EYA3: variants seen among roughly 807,000 people sequenced by gnomAD.
The protein encoded by EYA3 is EYA transcriptional coactivator and phosphatase 3, also known as protein phosphatase EYA3.
EYA3 carries 39 observed loss-of-function variants against 80.0 expected under a neutral mutation model. That is an observed-to-expected ratio of 0.49 (90% CI 0.38 to 0.64). The LOEUF is 0.64. EYA3 is among the 30% of genes least tolerant of loss of function. The pLI is 0.00. For synonymous variants in EYA3, 206 were observed against 232.8 expected (o/e 0.88, Z 1.05); for missense variants, 523 against 676.1 (o/e 0.77, Z 2.51).
intron 6 of EYA3, among the ~76,000 whole-genome samples, chr1:28,030,690 G>A (rs889022788): frequency 6.6e-6 from 1 of 152,076 alleles, no homozygotes; most frequent in Admixed American, 6.5e-5. Context: ...TACTGACATC[G>A]CTAGCATGAA....
intron 7 of EYA3, among the ~76,000 whole-genome samples, chr1:28,018,569 T>C (rs1642225783): frequency 6.6e-6 from 1 of 152,160 alleles, no homozygotes; most frequent in African/African-American, 2.4e-5. Context: ...AAAACTTCCA[T>C]TGAGAACAGG....
intron 13 of EYA3, among the ~76,000 whole-genome samples, chr1:27,995,658 G>A (rs900804062): frequency 6.6e-6 from 1 of 151,740 alleles, no homozygotes; most frequent in South Asian, 2.1e-4. Flanking sequence ...ATTGCTTGAG[G>A]GAGGCCAGGG....
chr1:27,989,912 A>G, intron 14 of EYA3, 101 bp from the exon 15 acceptor site: 1 of 594,094 alleles, frequency 1.7e-6, no homozygotes. Context: ...TGAGTCACTG[A>G]AATATTCTAC....
intron 16 of EYA3, among the ~76,000 whole-genome samples, chr1:27,978,679 C>T (rs1639105325): frequency 6.6e-6 from 1 of 152,126 alleles, no homozygotes; most frequent in Non-Finnish European, 1.5e-5. Flanking sequence ...ATTAAAATAA[C>T]TTGGCCGGGC....
At chr1:28,026,368 C>T (rs996682985) in intron 7 of EYA3, among the ~76,000 whole-genome samples, 4 of 152,106 alleles carry the variant, frequency 2.6e-5, no homozygotes, top group South Asian at 2.1e-4. Context: ...ATAATTTCAA[C>T]ACTTTGGGAA....
At chr1:28,040,514 T>C (rs1330912795) in intron 4 of EYA3, among the ~76,000 whole-genome samples, 1 of 152,144 alleles carries the variant, frequency 6.6e-6, no homozygotes, top group Non-Finnish European at 1.5e-5. Context: ...AGTAATGTAA[T>C]GGATCGGAGA....
chr1:28,053,567 T>C (rs1644344181), intron 2 of EYA3, among the ~76,000 whole-genome samples: 1 of 152,162 alleles, frequency 6.6e-6, no homozygotes, highest in South Asian at 2.1e-4. Context: ...TTTCTTCACC[T>C]GTAAAAAAGA....
intron 1 of EYA3, among the ~76,000 whole-genome samples, 198 bp from the exon 2 acceptor site, chr1:28,058,292 A>G (rs1644502318): frequency 6.6e-6 from 1 of 152,360 alleles, no homozygotes; most frequent in Middle Eastern, 3.4e-3. Flanking sequence ...AATGACTTTT[A>G]TAATACCTTG....
intron 1 of EYA3, among the ~76,000 whole-genome samples, chr1:28,062,240 A>C (rs1163670809): frequency 6.6e-6 from 1 of 152,140 alleles, no homozygotes; most frequent in African/African-American, 2.4e-5. Context: ...ATTTGCCTTC[A>C]TGGACAGAAT....
Position 28,013,047 on chromosome 1 carries a change from T to C in EYA3, c.769+64A>G, listed in dbSNP as rs1025919267. 1 of 1,512,428 alleles carries C rather than the reference T, an allele frequency of 6.6e-7. No individual in the cohort carries two copies. The highest frequency in any genetic ancestry group is 1.4e-5 in the African/African-American group (1 of 72,244). The allele number at this position is 1,512,428 out of a possible 1,614,324, so 93.7% of individuals were successfully genotyped here. Reference sequence around the variant, plus strand: ...GACAGAACAAAATCATCCTTACCATTGCCTAAAAACAACTGTTGGATGAAG... The same window carrying C: ...GACAGAACAAAATCATCCTTACCATCGCCTAAAAACAACTGTTGGATGAAG... On this transcript the variant is annotated intron_variant, in intron 9 of 17. Transcript: ENST00000373871. The surrounding 1 kb of genome is among the most constrained non-coding windows in gnomAD (Gnocchi z 4.0).
chr1:28,081,468 A>T (rs2148955958), intron 1 of EYA3, among the ~76,000 whole-genome samples: 1 of 152,338 alleles, frequency 6.6e-6, no homozygotes, highest in Non-Finnish European at 1.5e-5. Flanking sequence ...AAATTCAGTG[A>T]TGTAATAAAA....
At chr1:28,000,299 C>G (rs1051612726) in intron 11 of EYA3, among the ~76,000 whole-genome samples, 1 of 152,146 alleles carries the variant, frequency 6.6e-6, no homozygotes, top group South Asian at 2.1e-4. Context: ...TAAATGAGGA[C>G]AGAAAATATG....
chr1:28,052,843 G>C (rs887553904), intron 2 of EYA3, among the ~76,000 whole-genome samples: 1 of 152,082 alleles, frequency 6.6e-6, no homozygotes, highest in South Asian at 2.1e-4. Flanking sequence ...TTGGGAGGCT[G>C]AGGCAGGGAA....
intron 2 of EYA3, among the ~76,000 whole-genome samples, chr1:28,050,286 G>A (rs1249259621): frequency 2.0e-5 from 3 of 151,070 alleles, no homozygotes; most frequent in Non-Finnish European, 2.9e-5. Flanking sequence ...TCTGTCTCCC[G>A]GGTTCAAGCA....
chr1:28,070,320 G>A (rs774812344), intron 1 of EYA3, among the ~76,000 whole-genome samples: 17 of 152,056 alleles, frequency 1.1e-4, no homozygotes, highest in Admixed American at 3.3e-4. Context: ...CAGCACTTCG[G>A]GAGGCCAAAG....
intron 10 of EYA3, among the ~76,000 whole-genome samples, chr1:28,008,752 TG>T (rs1246768881): frequency 6.6e-6 from 1 of 152,104 alleles, no homozygotes; most frequent in Non-Finnish European, 1.5e-5. Flanking sequence ...AAGACCAGCC[TG>T]GCCAACATGG....
chr1:28,044,744 T>A (rs1451602474), intron 3 of EYA3, among the ~76,000 whole-genome samples: 2 of 152,084 alleles, frequency 1.3e-5, no homozygotes, highest in African/African-American at 2.4e-5. Flanking sequence ...GGGTTTTTTT[T>A]AAATGGTATA....
At position 27,973,573 on chromosome 1, in the gene EYA3, G is replaced by A. The variant is rs1638808189; in HGVS notation, c.*893C>T. The A allele has an allele frequency of 6.6e-6, 1 of 152,066 alleles. No individual in the cohort carries two copies. The highest frequency in any genetic ancestry group is 2.1e-4 in the South Asian group (1 of 4,832). 9.4% of individuals were successfully genotyped at this position (152,066 alleles called of 1,614,324 possible). A position where few individuals can be genotyped will look rare whatever the true frequency, so the allele number is the denominator to read the frequency against. On this transcript the variant is annotated 3_prime_UTR_variant, in exon 18 of 18. Coordinates refer to ENST00000373871, the MANE Select transcript of EYA3 (RefSeq NM_001990.4). ...AGTCTGAATGACAGTCAAGCTGAAG[G>A]AGTTTTTAGGGTTGTGCCATTTGAC...
chr1:28,028,058 A>T, intron 6 of EYA3, 132 bp from the exon 7 acceptor site: 1 of 979,820 alleles, frequency 1.0e-6, no homozygotes, highest in Non-Finnish European at 1.5e-6. Flanking sequence ...GTAAGAGAAA[A>T]TTATTGAATC....
Sources: allele counts gnomAD v4.1 joint callset (sites outside exome capture counted in the v4.1 genomes callset), GRCh38; gene constraint gnomAD v4.1.1; non-coding constraint Gnocchi (gnomAD v3.1); transcripts MANE v1.5; gene names NCBI Gene and HGNC (gene_info 2026-07-23, HGNC 2026-07-21).